KLRD1: variants seen among roughly 807,000 people sequenced by gnomAD.
KLRD1 encodes the protein killer cell lectin like receptor D1.
A neutral mutation model predicts 22.6 loss-of-function variants in KLRD1; 21 were observed. The observed-to-expected ratio is 0.93, with a 90% confidence interval of 0.66 to 1.34. The LOEUF (loss-of-function observed/expected upper bound fraction) is 1.34, where lower values mean the gene tolerates loss of function less well. KLRD1 is among the 40% of genes most tolerant of loss of function. The pLI is 0.00. For missense variants in KLRD1, 183 were observed against 208.6 expected, an observed-to-expected ratio of 0.88 and a Z score of 0.76; for synonymous variants, 59 against 71.1, an observed-to-expected ratio of 0.83 and a Z score of 0.85.
intron 1 of KLRD1, among the ~76,000 whole-genome samples, chr12:10,290,542 G>A (rs1458383958): frequency 6.6e-6 from 1 of 152,170 alleles, no homozygotes; most frequent in Non-Finnish European, 1.5e-5. Context: ...ATAATAGAAT[G>A]CCTGATACAT....
rs1278377717 is a variant in KLRD1, at chr12:10,328,499, ATG to A, written c.*13708_*13709del. 6.6e-6 allele frequency: 1 copy of A among 151,996 alleles called. No homozygotes were observed. The highest frequency in any genetic ancestry group is 1.5e-5 in the Non-Finnish European group (1 of 67,998). 9.4% of individuals were successfully genotyped at this position (151,996 alleles called of 1,614,324 possible). A position where few individuals can be genotyped will look rare whatever the true frequency, so the allele number is the denominator to read the frequency against. On this transcript the variant is annotated 3_prime_UTR_variant, in exon 6 of 6. Coordinates refer to ENST00000336164, the MANE Select transcript of KLRD1 (RefSeq NM_002262.5). ...TTATATTTCTGTGGCATCAGTTGCA[ATG>A]TCTTATTTCTGATTTCATTTATTTA...
chr12:10,302,997 T>C (rs982668600), upstream of KLRD1, among the ~76,000 whole-genome samples: 5 of 152,232 alleles, frequency 3.3e-5, no homozygotes, highest in Non-Finnish European at 5.9e-5. Flanking sequence ...AGAGCTATTA[T>C]CATGCTTGCC....
At chr12:10,292,049 G>A (rs1255893984) in intron 1 of KLRD1, among the ~76,000 whole-genome samples, 1 of 152,070 alleles carries the variant, frequency 6.6e-6, no homozygotes, top group Non-Finnish European at 1.5e-5. Flanking sequence ...TCATTGATGG[G>A]CATTTGGGTT....
At chr12:10,312,684 T>G (rs1485403306) in intron 4 of KLRD1, among the ~76,000 whole-genome samples, 1 of 150,070 alleles carries the variant, frequency 6.7e-6, no homozygotes, top group African/African-American at 2.4e-5. Flanking sequence ...GGCCCCTAAT[T>G]ACCCAGTTCT....
chr12:10,250,282 TCC>T (rs1357392512), intron 1 of KLRD1, among the ~76,000 whole-genome samples: 1 of 144,610 alleles, frequency 6.9e-6, no homozygotes, highest in Non-Finnish European at 1.5e-5. Context: ...AGAAAAAAGT[TCC>T]CCTGAGTCAT....
Position 10,265,794 on chromosome 12 carries a change from G to T in KLRD1, c.-101+39561G>T, listed in dbSNP as rs145327042. On this transcript the variant is annotated intron_variant, in intron 1 of 5. Transcript: ENST00000544747. ...AAGATTCTTAGGCCTAGGCCATACC[G>T]CTACATCTGATATTTACGACCTTGT... 7.7e-4 allele frequency among the ~76,000 whole-genome samples: 117 copies of T among 152,212 alleles called. 1 individual carries two copies. Among genetic ancestry groups the T allele is most frequent in the African/African-American group, 2.7e-3 (111 of 41,558 alleles).
At chr12:10,274,388 C>T (rs7970821) in intron 1 of KLRD1, among the ~76,000 whole-genome samples, 63,363 of 152,024 alleles carry the variant, frequency 0.42, 15,556 homozygotes, top group Middle Eastern at 0.57. Flanking sequence ...GTAGTGCAAA[C>T]ATTAATCAAA....
chr12:10,248,226 T>C (rs973331713), intron 1 of KLRD1, among the ~76,000 whole-genome samples: 2 of 152,104 alleles, frequency 1.3e-5, no homozygotes, highest in Non-Finnish European at 2.9e-5. Flanking sequence ...ACAATTTTTC[T>C]AATCCTGTTT....
chr12:10,247,821 C>G (rs1183720788), intron 1 of KLRD1, among the ~76,000 whole-genome samples: 1 of 151,978 alleles, frequency 6.6e-6, no homozygotes, highest in Non-Finnish European at 1.5e-5. Context: ...GTCCCGGCCA[C>G]CCAGTGAAGA....
Position 10,322,961 on chromosome 12 carries a change from T to TA in KLRD1, c.*8169dup, listed in dbSNP as rs1163924435. On this transcript the variant is annotated 3_prime_UTR_variant, in exon 6 of 6. Coordinates refer to ENST00000336164, the MANE Select transcript of KLRD1 (RefSeq NM_002262.5). ...CTTTGTGGCTTCTGTTGCTAAGCAT[T>TA]ACGTCTGTGAGATACATCCATATAT... 1 of 152,242 alleles carries TA rather than the reference T, an allele frequency of 6.6e-6. No individual in the cohort carries two copies. The highest frequency in any genetic ancestry group is 2.4e-5 in the African/African-American group (1 of 41,456). The allele number at this position is 152,242 out of a possible 1,614,324, so 9.4% of individuals were successfully genotyped here.
chr12:10,309,756 A>T (rs751742359), intron 3 of KLRD1, 68 bp downstream of exon 3: 96 of 1,064,330 alleles, frequency 9.0e-5, no homozygotes, highest in Non-Finnish European at 1.3e-4. Context: ...TGTTTTTCAC[A>T]CAGAGAGGCA....
chr12:10,244,678 G>T (rs1176904289), intron 1 of KLRD1, among the ~76,000 whole-genome samples: 1 of 151,990 alleles, frequency 6.6e-6, no homozygotes, highest in African/African-American at 2.4e-5. Flanking sequence ...AGCTACTCAG[G>T]AGCCTGAGGC....
chr12:10,324,913 C>T lies in KLRD1; in HGVS notation c.*10120C>T, dbSNP rs1315964828. ...TGCCTAAATTCACTTATCCTAGCAGCATTTCTGTAGATTTCATTGGGTTAT... is the reference window on the plus strand; with the variant it reads ...TGCCTAAATTCACTTATCCTAGCAGTATTTCTGTAGATTTCATTGGGTTAT... On this transcript the variant is annotated 3_prime_UTR_variant, in exon 6 of 6. Transcript: ENST00000336164. 1 of 146,668 alleles carries T rather than the reference C, an allele frequency of 6.8e-6. No homozygotes were observed. The highest frequency in any genetic ancestry group is 1.5e-5 in the Non-Finnish European group (1 of 66,958). The allele number at this position is 146,668 out of a possible 1,614,324, so 9.1% of individuals were successfully genotyped here.
At chr12:10,291,110 T>C (rs1291376563) in intron 1 of KLRD1, among the ~76,000 whole-genome samples, 1 of 152,214 alleles carries the variant, frequency 6.6e-6, no homozygotes, top group African/African-American at 2.4e-5. Context: ...TGTTCAAAAT[T>C]ATTATATCTA....
chr12:10,285,788 C>T (rs1949696085), intron 1 of KLRD1, among the ~76,000 whole-genome samples: 1 of 152,062 alleles, frequency 6.6e-6, no homozygotes, highest in African/African-American at 2.4e-5. Flanking sequence ...TTCCTATTCC[C>T]TCCTCTTCTC....
intron 1 of KLRD1, among the ~76,000 whole-genome samples, chr12:10,257,482 C>CT (rs56871156): frequency 1.5e-4 from 15 of 97,356 alleles, no homozygotes; most frequent in African/African-American, 5.8e-4. Flanking sequence ...GTAGCTGATT[C>CT]TTTTTTTTTT....
chr12:10,296,620 C>T (rs1949824631), intron 1 of KLRD1, among the ~76,000 whole-genome samples: 1 of 152,036 alleles, frequency 6.6e-6, no homozygotes, highest in Non-Finnish European at 1.5e-5. Context: ...TGTTTTGATA[C>T]CTCCTAAAAT....
At chr12:10,254,431 C>CGAA (rs1949374208) in intron 1 of KLRD1, among the ~76,000 whole-genome samples, 1 of 86,976 alleles carries the variant, frequency 1.1e-5, no homozygotes, top group Non-Finnish European at 2.0e-5. Context: ...CACTCCGTCT[C>CGAA]AAAAAAAAAA....
intron 3 of KLRD1, 68 bp from the exon 4 acceptor site, chr12:10,311,392 GAATA>G: frequency 7.1e-7 from 1 of 1,417,808 alleles, no homozygotes; most frequent in South Asian, 1.3e-5. Flanking sequence ...AATAATTTTT[GAATA>G]ATTAAATAGC....
Sources: gnomAD v4.1 joint callset for allele counts (sites outside exome capture counted in the v4.1 genomes callset) on GRCh38, gnomAD v4.1.1 for gene constraint, MANE v1.5 for transcripts, NCBI Gene and HGNC (gene_info 2026-07-23, HGNC 2026-07-21) for gene names.